The following WSCD2 variants were observed in gnomAD, a reference collection of about 807,000 sequenced individuals.
WSCD2 encodes sialate:O-sulfotransferase 2.
In WSCD2, 28 loss-of-function variants were observed where a neutral mutation model predicts 55.7. That is an observed-to-expected ratio of 0.50 (90% CI 0.37 to 0.69). The LOEUF (loss-of-function observed/expected upper bound fraction) is 0.69, where lower values mean the gene tolerates loss of function less well. Among genes scored for constraint, WSCD2 ranks in the 30% least tolerant of loss-of-function variants. The probability of loss-of-function intolerance (pLI) is 0.00; values close to 1 mark genes in which losing one functional copy is unlikely to be tolerated. For synonymous variants in WSCD2, 301 were observed against 301.9 expected (o/e 1.00, Z 0.03); for missense variants, 616 against 762.1 (o/e 0.81, Z 2.26).
At chr12:108,171,508 A>C (rs971974927) in intron 1 of WSCD2, among the ~76,000 whole-genome samples, 1 of 152,274 alleles carries the variant, frequency 6.6e-6, no homozygotes, top group Non-Finnish European at 1.5e-5. Flanking sequence ...AGAATGTGAA[A>C]TATCTCAATA....
rs1338523002 is a variant in WSCD2 at position 108,195,727 on chromosome 12, C to A, written c.-106C>A. On this transcript the variant is annotated 5_prime_UTR_variant, in exon 2 of 9. Coordinates refer to ENST00000547525, the MANE Select transcript of WSCD2 (RefSeq NM_014653.4). ...TTTCAGGAAGAGTGAGACTGAGGAC[C>A]CCCAAGTGTTCCATCCCTAAGGAAA... 2.1e-6 allele frequency: 3 copies of A among 1,446,620 alleles called. No homozygotes were observed. The highest frequency in any genetic ancestry group is 2.8e-6 in the Non-Finnish European group (3 of 1,079,332). 89.6% of individuals were successfully genotyped at this position (1,446,620 alleles called of 1,614,324 possible). A position where few individuals can be genotyped will look rare whatever the true frequency, so the allele number is the denominator to read the frequency against.
At chr12:108,136,927 G>A (rs1484506538) in intron 1 of WSCD2, among the ~76,000 whole-genome samples, 1 of 152,206 alleles carries the variant, frequency 6.6e-6, no homozygotes, top group Non-Finnish European at 1.5e-5. Context: ...GGCTGAGGCT[G>A]GGCAGGCTTG....
In WSCD2 at chr12:108,191,473, G is replaced by A. The variant is rs114718921; in HGVS notation, c.-551-3809G>A. Among the ~76,000 whole-genome samples the A allele has an allele frequency of 8.9e-3, 1,347 of 152,160 alleles. 16 individuals are homozygous for A. Among genetic ancestry groups the A allele is most frequent in the African/African-American group, 0.025 (1,025 of 41,472 alleles). ...GAGGATATGGGGCTTTGGCTCAGCCGAATCCTGGAACCCTTGAACCCCAGA... is the reference window on the plus strand; with the variant it reads ...GAGGATATGGGGCTTTGGCTCAGCCAAATCCTGGAACCCTTGAACCCCAGA... On this transcript the variant is annotated intron_variant, in intron 1 of 8. Coordinates refer to ENST00000547525, the MANE Select transcript of WSCD2 (RefSeq NM_014653.4).
At position 108,250,212 on chromosome 12, in the gene WSCD2, G is replaced by C. The variant is rs1566005844; in HGVS notation, c.*1869G>C. 1.3e-5 allele frequency: 2 copies of C among 151,764 alleles called. No homozygotes were observed. The highest frequency in any genetic ancestry group is 1.3e-4 in the Admixed American group (2 of 15,220). 9.4% of individuals were successfully genotyped at this position (151,764 alleles called of 1,614,324 possible). The stretch of plus-strand genomic sequence containing the variant: ...TGTGTGTGTGTGTATGAGAGAGAGA[G>C]AGAGAGACAACAGAGACAGAGAGAG... On this transcript the variant is annotated 3_prime_UTR_variant, in exon 9 of 9. Transcript: ENST00000547525.
intron 1 of WSCD2, among the ~76,000 whole-genome samples, chr12:108,152,667 G>A (rs565129071): frequency 3.3e-5 from 5 of 152,176 alleles, no homozygotes; most frequent in South Asian, 2.1e-4. Flanking sequence ...TATAAGAAGG[G>A]CCTGTTGCAG....
intron 1 of WSCD2, among the ~76,000 whole-genome samples, chr12:108,143,616 C>G (rs1184548329): frequency 6.6e-6 from 1 of 152,116 alleles, no homozygotes; most frequent in African/African-American, 2.4e-5. Flanking sequence ...TGGTAAATCA[C>G]GCCTATTATG....
At chr12:108,238,183 C>G (rs1338026107) in intron 7 of WSCD2, among the ~76,000 whole-genome samples, 1 of 152,246 alleles carries the variant, frequency 6.6e-6, no homozygotes, top group East Asian at 1.9e-4. Flanking sequence ...TCCTATTCCT[C>G]ATTCTCCTCT....
intron 1 of WSCD2, among the ~76,000 whole-genome samples, chr12:108,157,757 C>T (rs1304701795): frequency 2.6e-5 from 4 of 152,182 alleles, no homozygotes; most frequent in Admixed American, 6.5e-5. Flanking sequence ...TTGCAAGCAG[C>T]CTCCTCTCCC....
chr12:108,213,869 C>G (rs757165114), intron 4 of WSCD2, among the ~76,000 whole-genome samples: 2 of 152,188 alleles, frequency 1.3e-5, no homozygotes, highest in Non-Finnish European at 2.9e-5. Flanking sequence ...CACCATCTCT[C>G]TTTTAGGGGA....
chr12:108,132,150 G>T (rs1486743647), intron 1 of WSCD2, among the ~76,000 whole-genome samples: 1 of 152,112 alleles, frequency 6.6e-6, no homozygotes, highest in South Asian at 2.1e-4. Flanking sequence ...TTTCTGCGTG[G>T]TTCTGAGGCT....
intron 1 of WSCD2, among the ~76,000 whole-genome samples, chr12:108,190,320 A>G (rs1490371834): frequency 6.6e-6 from 1 of 151,936 alleles, no homozygotes; most frequent in Non-Finnish European, 1.5e-5. Context: ...TTAAGAAATC[A>G]AACCTTCATG....
At position 108,248,186 on chromosome 12, in the gene WSCD2, AG is replaced by A; in HGVS notation, c.1543del (p.Asp515MetfsTer41). ...EDRLLCVESQKDGNFKRSGLR... is the reference protein window; with the variant it reads ...EDRLLCVESQXDGNFKRSGLR... ...CGGCTGCTCTGTGTGGAGAGCCAGA[AG>A]GATGGCAACTTCAAGCGCTCAGGGC... is the stretch of plus-strand genomic sequence containing the variant. On this transcript the variant is annotated frameshift_variant, in exon 9 of 9. Coordinates refer to ENST00000547525, the MANE Select transcript of WSCD2 (RefSeq NM_014653.4). LOFTEE classifies it high-confidence loss of function. The surrounding 1 kb of genome is among the most constrained non-coding windows in gnomAD (Gnocchi z 4.3). 9.9e-6 allele frequency: 16 copies of A among 1,614,240 alleles called. No homozygotes were observed. Among genetic ancestry groups the A allele is most frequent in the Non-Finnish European group, 1.4e-5 (16 of 1,180,044 alleles).
chr12:108,227,503 G>C (rs1029342575), intron 6 of WSCD2, among the ~76,000 whole-genome samples: 5 of 152,124 alleles, frequency 3.3e-5, no homozygotes, highest in Non-Finnish European at 5.9e-5. Context: ...CCCCTTTCTG[G>C]GCCTCAGTTT....
At chr12:108,192,459 C>T (rs1392956621) in intron 1 of WSCD2, among the ~76,000 whole-genome samples, 2 of 152,174 alleles carry the variant, frequency 1.3e-5, no homozygotes, top group African/African-American at 4.8e-5. Context: ...TTGCCCATCC[C>T]ACGAGGACTG....
intron 1 of WSCD2, among the ~76,000 whole-genome samples, chr12:108,177,461 C>T (rs1447962199): frequency 6.6e-6 from 1 of 152,138 alleles, no homozygotes; most frequent in African/African-American, 2.4e-5. Context: ...CCTCCTACAC[C>T]CTAGCTGTGT....
At chr12:108,239,429 T>G (rs1461999755) in intron 7 of WSCD2, among the ~76,000 whole-genome samples, 1 of 152,212 alleles carries the variant, frequency 6.6e-6, no homozygotes, top group Non-Finnish European at 1.5e-5. Flanking sequence ...TAGGACCATG[T>G]CTATTCTATG....
At chr12:108,212,550 A>C (rs1257163000) in intron 4 of WSCD2, among the ~76,000 whole-genome samples, 707 of 104,078 alleles carry the variant, frequency 6.8e-3, no homozygotes, top group Middle Eastern at 0.015. Flanking sequence ...TCTCTCCCCC[A>C]CCTTCCTCCC....
At chr12:108,200,837 G>GT (rs1884573732) in intron 2 of WSCD2, among the ~76,000 whole-genome samples, 1 of 152,278 alleles carries the variant, frequency 6.6e-6, no homozygotes, top group Admixed American at 6.5e-5. Context: ...CTTGACCAAA[G>GT]TGAGTGGTGC....
chr12:108,165,046 A>G (rs1204518527), intron 1 of WSCD2, among the ~76,000 whole-genome samples: 1 of 152,192 alleles, frequency 6.6e-6, no homozygotes, highest in Non-Finnish European at 1.5e-5. Context: ...TGGCAAGGAG[A>G]CAGAAGTCAG....
Sources: allele counts gnomAD v4.1 joint callset (sites outside exome capture counted in the v4.1 genomes callset), GRCh38; gene constraint gnomAD v4.1.1; non-coding constraint Gnocchi (gnomAD v3.1); transcripts MANE v1.5; gene names NCBI Gene and HGNC (gene_info 2026-07-23, HGNC 2026-07-21).